The following ST7L variants were observed in gnomAD, a reference collection of about 807,000 sequenced individuals.
ST7L encodes suppressor of tumorigenicity 7 protein-like.
In ST7L, 57 loss-of-function variants were observed where a neutral mutation model predicts 72.5. The observed-to-expected ratio is 0.79, with a 90% CI of 0.64 to 0.98. The LOEUF is 0.98. Ranked by LOEUF, ST7L falls within the 50% of genes least tolerant of loss-of-function variation. ST7L has a pLI of 0.00. For missense variants in ST7L, 576 were observed against 672.2 expected, an observed-to-expected ratio of 0.86 and a Z score of 1.58; for synonymous variants, 221 against 240.9, an observed-to-expected ratio of 0.92 and a Z score of 0.77.
At chr1:112,606,917 TC>T (rs1668337864) in intron 3 of ST7L, among the ~76,000 whole-genome samples, 1 of 152,156 alleles carries the variant, frequency 6.6e-6, no homozygotes, top group African/African-American at 2.4e-5. Context: ...AAACCCTAGC[TC>T]CTAATACAGT....
At chr1:112,520,675 AG>A, downstream of ST7L, 1 of 710,926 alleles carries the variant, frequency 1.4e-6, no homozygotes, top group Non-Finnish European at 2.3e-6. Context: ...CTGGTTCCTT[AG>A]CCCTGGGAAG....
chr1:112,547,825 A>G (rs1271511459), intron 13 of ST7L, among the ~76,000 whole-genome samples: 1 of 151,698 alleles, frequency 6.6e-6, no homozygotes, highest in Non-Finnish European at 1.5e-5. Flanking sequence ...CAGCCTCCCA[A>G]AGTGCTGGGA....
chr1:112,573,998 T>C (rs1268014066), intron 11 of ST7L, among the ~76,000 whole-genome samples: 1 of 137,256 alleles, frequency 7.3e-6, no homozygotes, highest in Non-Finnish European at 1.5e-5. Flanking sequence ...CACTGCAACC[T>C]TCATCTCTAG....
chr1:112,591,424 TA>T, intron 6 of ST7L, 100 bp downstream of exon 6: 1 of 921,472 alleles, frequency 1.1e-6, no homozygotes. Flanking sequence ...AGGAAATGAC[TA>T]ATGACTCCAA....
intron 6 of ST7L, among the ~76,000 whole-genome samples, chr1:112,588,141 G>A (rs1665143239): frequency 6.6e-6 from 1 of 152,084 alleles, no homozygotes; most frequent in Admixed American, 6.5e-5. Flanking sequence ...TTCATATGTT[G>A]ATTTTGTTTC....
At chr1:112,595,480 G>T (rs574643436) in intron 5 of ST7L, among the ~76,000 whole-genome samples, 6 of 151,374 alleles carry the variant, frequency 4.0e-5, no homozygotes, top group African/African-American at 1.5e-4. Flanking sequence ...CAGTGCAGCA[G>T]TGCCATCATA....
chr1:112,601,445 C>G lies in ST7L; in HGVS notation c.452-597G>C, dbSNP rs182504268. 9.9e-5 allele frequency among the ~76,000 whole-genome samples: 15 copies of G among 152,172 alleles called. No individual in the cohort carries two copies. The East Asian group carries it at 2.9e-3, about 30-fold the overall frequency. ...TATTTTTAGTAGAGACAGGGTTTCA[C>G]CATGTTAGTCAGGATGGTCTCAATC... On this transcript the variant is annotated intron_variant, in intron 3 of 14. Coordinates refer to ENST00000358039, the MANE Select transcript of ST7L (RefSeq NM_017744.5).
At chr1:112,585,594 G>A (rs934869564) in intron 6 of ST7L, among the ~76,000 whole-genome samples, 4 of 151,888 alleles carry the variant, frequency 2.6e-5, no homozygotes, top group Non-Finnish European at 4.4e-5. Context: ...TTAGCTGGGC[G>A]CAGTGGCGGG....
chr1:112,556,659 C>T (rs537647685), intron 11 of ST7L, among the ~76,000 whole-genome samples: 145 of 152,020 alleles, frequency 9.5e-4, no homozygotes, highest in Non-Finnish European at 1.9e-3. Flanking sequence ...AACAAGACTA[C>T]GGTGAGTACT....
chr1:112,584,240 A>AT, intron 6 of ST7L, 114 bp from the exon 7 acceptor site: 9 of 1,105,320 alleles, frequency 8.1e-6, no homozygotes, highest in Non-Finnish European at 9.7e-6. Context: ...TTCCATCTTT[A>AT]GAAAAAAAAA....
chr1:112,596,212 T>C (rs1666458477), intron 5 of ST7L, among the ~76,000 whole-genome samples: 1 of 152,262 alleles, frequency 6.6e-6, no homozygotes, highest in Non-Finnish European at 1.5e-5. Context: ...TAAACCATTT[T>C]ATGTAATCAT....
At chr1:112,610,504 A>T (rs2101032167) in intron 3 of ST7L, 1 of 239,564 alleles carries the variant, frequency 4.2e-6, no homozygotes, top group South Asian at 1.2e-4. Context: ...GAGGCTGGGA[A>T]GTCTATGACC....
At chr1:112,547,593 C>CAA (rs1471749034) in intron 13 of ST7L, among the ~76,000 whole-genome samples, 1 of 84,664 alleles carries the variant, frequency 1.2e-5, no homozygotes, top group Non-Finnish European at 2.1e-5. Flanking sequence ...TTTTTGGAGA[C>CAA]AGAGTCTTAC....
intron 12 of ST7L, 58 bp from the exon 13 acceptor site, chr1:112,550,751 T>C: frequency 7.3e-7 from 1 of 1,372,678 alleles, no homozygotes. Flanking sequence ...CATCCTATAT[T>C]TGGAGACAAA....
At chr1:112,611,622 T>G (rs1464281321) in intron 2 of ST7L, among the ~76,000 whole-genome samples, 1 of 152,190 alleles carries the variant, frequency 6.6e-6, no homozygotes, top group Non-Finnish European at 1.5e-5. Context: ...TTCTTTCTAT[T>G]TCCATGGTTT....
intron 13 of ST7L, among the ~76,000 whole-genome samples, chr1:112,546,602 G>A (rs576633181): frequency 6.6e-6 from 1 of 152,170 alleles, no homozygotes; most frequent in East Asian, 1.9e-4. Flanking sequence ...AGCAGCCAGG[G>A]ACAGAGAGAT....
chr1:112,520,173 G>C, downstream of ST7L: 2 of 1,140,494 alleles, frequency 1.8e-6, no homozygotes, highest in Non-Finnish European at 2.5e-6. Flanking sequence ...ACTGTGCCCA[G>C]CCCAAAAAAG....
chr1:112,588,302 A>G (rs2101925469), intron 6 of ST7L, among the ~76,000 whole-genome samples: 1 of 152,348 alleles, frequency 6.6e-6, no homozygotes, highest in East Asian at 1.9e-4. Context: ...ACTAAACTGC[A>G]CTGACTAGAA....
intron 3 of ST7L, among the ~76,000 whole-genome samples, chr1:112,602,038 C>G (rs971383597): frequency 1.2e-4 from 17 of 146,972 alleles, no homozygotes; most frequent in South Asian, 2.2e-4. Flanking sequence ...GGATGGAGAT[C>G]GCACCATTGC....
Sources: allele counts gnomAD v4.1 joint callset (sites outside exome capture counted in the v4.1 genomes callset), GRCh38; gene constraint gnomAD v4.1.1; transcripts MANE v1.5; gene names NCBI Gene and HGNC (gene_info 2026-07-23, HGNC 2026-07-21).